LRRC52: variants seen among roughly 807,000 people sequenced by gnomAD.
LRRC52 encodes the protein leucine-rich repeat-containing protein 52.
LRRC52 carries 15 observed loss-of-function variants against 14.7 expected under a neutral mutation model. The observed-to-expected ratio is 1.02, with a 90% confidence interval of 0.68 to 1.58. The LOEUF is 1.58. Among genes scored for constraint, LRRC52 ranks in the 40% most tolerant of loss-of-function variants. The pLI, the probability that LRRC52 is intolerant of heterozygous loss-of-function variation, is 0.00. For missense variants in LRRC52, 400 were observed against 387.7 expected (o/e 1.03, Z -0.27); for synonymous variants, 180 against 163.9 (o/e 1.10, Z -0.75).
intron 1 of LRRC52, among the ~76,000 whole-genome samples, chr1:165,556,387 AG>A (rs34104986): frequency 6.6e-5 from 10 of 151,976 alleles, no homozygotes; most frequent in Non-Finnish European, 1.3e-4. Flanking sequence ...TCTATATACA[AG>A]GGGGGGAAAT....
Position 165,544,203 on chromosome 1 carries a change from G to GCCCCGCCCCCCCCCCCC in LRRC52, c.-90_-89insGCCCCCCCCCCCCCCCC. The GCCCCGCCCCCCCCCCCC allele has an allele frequency of 1.0e-5, 10 of 1,001,758 alleles. No homozygotes were observed. Among genetic ancestry groups the GCCCCGCCCCCCCCCCCC allele is most frequent in the Non-Finnish European group, 1.3e-5 (9 of 706,268 alleles). 62.1% of individuals were successfully genotyped at this position (1,001,758 alleles called of 1,614,324 possible). A position where few individuals can be genotyped will look rare whatever the true frequency, so the allele number is the denominator to read the frequency against. ...CTAAAGTGTTACAGTTCTTTCCAGA[G>GCCCCGCCCCCCCCCCCC]CCCCTCCCCCGCCCCACCCCCCCAC... On this transcript the variant is annotated 5_prime_UTR_variant, in exon 1 of 2. Coordinates refer to ENST00000294818, the MANE Select transcript of LRRC52 (RefSeq NM_001005214.4).
chr1:165,561,947 C>A (rs145130541), intron 1 of LRRC52, among the ~76,000 whole-genome samples: 3 of 152,326 alleles, frequency 2.0e-5, no homozygotes, highest in Middle Eastern at 3.4e-3. Context: ...CTGCTTCCAG[C>A]CCCCATTAGG....
intron 1 of LRRC52, among the ~76,000 whole-genome samples, chr1:165,554,322 T>G (rs1009058919): frequency 2.0e-5 from 3 of 150,860 alleles, no homozygotes; most frequent in Non-Finnish European, 2.9e-5. Context: ...AGGCAAGGAG[T>G]TCAACTTGGG....
intron 1 of LRRC52, among the ~76,000 whole-genome samples, chr1:165,560,504 T>C (rs1661318770): frequency 6.6e-6 from 1 of 152,296 alleles, no homozygotes; most frequent in South Asian, 2.1e-4. Context: ...AGGATGCACA[T>C]TGTAAATAAC....
Position 165,563,836 on chromosome 1 carries a change from C to G in LRRC52, c.*12C>G. ...CTCAGCTTATTTAGTTGCCAGAGAC[C>G]ACTATCTTATGTGCCTCCCCCAGGC... On this transcript the variant is annotated 3_prime_UTR_variant, in exon 2 of 2. Coordinates refer to ENST00000294818, the MANE Select transcript of LRRC52 (RefSeq NM_001005214.4). 1 of 1,610,680 alleles carries G rather than the reference C, an allele frequency of 6.2e-7. No individual in the cohort carries two copies. The highest frequency in any genetic ancestry group is 8.5e-7 in the Non-Finnish European group (1 of 1,177,994).
At chr1:165,550,352 TAAA>T (rs1661107078) in intron 1 of LRRC52, among the ~76,000 whole-genome samples, 1 of 152,138 alleles carries the variant, frequency 6.6e-6, no homozygotes, top group East Asian at 1.9e-4. Flanking sequence ...TGCAACAGGG[TAAA>T]TAGTCTATAT....
intron 1 of LRRC52, among the ~76,000 whole-genome samples, chr1:165,562,409 A>T (rs138535256): frequency 2.0e-5 from 3 of 152,204 alleles, no homozygotes; most frequent in Non-Finnish European, 4.4e-5. Context: ...CACATCACAC[A>T]AGCACTCAGC....
chr1:165,551,651 G>A (rs1030122482), intron 1 of LRRC52, among the ~76,000 whole-genome samples: 5 of 152,170 alleles, frequency 3.3e-5, no homozygotes, highest in Non-Finnish European at 5.9e-5. Flanking sequence ...GCTTGAGCAA[G>A]GGTGCTGCAG....
intron 1 of LRRC52, among the ~76,000 whole-genome samples, chr1:165,552,621 C>T (rs1009853975): frequency 6.6e-6 from 1 of 152,144 alleles, no homozygotes; most frequent in Non-Finnish European, 1.5e-5. Flanking sequence ...ATTTAGAAGG[C>T]AGAAGCAACA....
intron 1 of LRRC52, among the ~76,000 whole-genome samples, chr1:165,546,848 A>C (rs779354260): frequency 1.3e-5 from 2 of 152,160 alleles, no homozygotes; most frequent in Non-Finnish European, 2.9e-5. Flanking sequence ...TGGGATTATA[A>C]AGTAGATCTT....
In LRRC52 at chr1:165,544,708, C is replaced by A. The variant is rs373088117; in HGVS notation, c.412C>A (p.Leu138Met). 1 of 1,614,106 alleles carries A rather than the reference C, an allele frequency of 6.2e-7. No homozygotes were observed. The highest frequency in any genetic ancestry group is 1.1e-5 in the South Asian group (1 of 91,058). The change falls in exon 1 of 2, where the codon CTG becomes ATG. Residue 138 changes from leucine to methionine, a missense_variant. Leu to Met is a conservative substitution (Grantham distance 15). Coordinates refer to ENST00000294818, the MANE Select transcript of LRRC52 (RefSeq NM_001005214.4). ...GCTGAACATTGCCAACAACCCTCAC[C>A]TGTTATCGCTTCACAAGTTCACCTT... Reference protein sequence around the residue: ...VQLNIANNPHLLSLHKFTFAN... With the variant: ...VQLNIANNPHMLSLHKFTFAN...
chr1:165,547,167 A>G (rs1661040401), intron 1 of LRRC52, among the ~76,000 whole-genome samples: 1 of 152,110 alleles, frequency 6.6e-6, no homozygotes, highest in Non-Finnish European at 1.5e-5. Context: ...CCTGCCCAAA[A>G]TCACACAGCT....
intron 1 of LRRC52, among the ~76,000 whole-genome samples, chr1:165,551,765 C>T (rs781502074): frequency 6.6e-6 from 1 of 152,050 alleles, no homozygotes; most frequent in Non-Finnish European, 1.5e-5. Flanking sequence ...GAGCAGAGAA[C>T]ATCTTAGTTT....
intron 1 of LRRC52, among the ~76,000 whole-genome samples, chr1:165,562,984 C>T (rs1298001697): frequency 6.6e-6 from 1 of 152,012 alleles, no homozygotes; most frequent in Non-Finnish European, 1.5e-5. Flanking sequence ...TTGCAATGCT[C>T]TCGGGGGATG....
At chr1:165,548,741 A>G (rs1001875134) in intron 1 of LRRC52, among the ~76,000 whole-genome samples, 1 of 152,230 alleles carries the variant, frequency 6.6e-6, no homozygotes, top group Non-Finnish European at 1.5e-5. Flanking sequence ...CAACATTCCT[A>G]GGGCTGTCAT....
chr1:165,552,078 G>A lies in LRRC52; in HGVS notation c.622+7160G>A, dbSNP rs569155411. Among the ~76,000 whole-genome samples the A allele has an allele frequency of 7.2e-5, 11 of 152,106 alleles. No individual in the cohort carries two copies. The South Asian group carries it at 2.3e-3, about 32-fold the overall frequency. Reference sequence around the variant, plus strand: ...CTCCTGAGGGCAAGGAGGGGGCTGAGAGGGGTGCAACTGAGTCAGTGATCC... The same window carrying A: ...CTCCTGAGGGCAAGGAGGGGGCTGAAAGGGGTGCAACTGAGTCAGTGATCC... On this transcript the variant is annotated intron_variant, in intron 1 of 1. Coordinates refer to ENST00000294818, the MANE Select transcript of LRRC52 (RefSeq NM_001005214.4).
Position 165,544,594 on chromosome 1 carries a change from G to A in LRRC52, c.298G>A (p.Val100Ile), listed in dbSNP as rs753065284. The A allele has an allele frequency of 5.0e-6, 8 of 1,613,864 alleles. No homozygotes were observed. Among genetic ancestry groups the A allele is most frequent in the Non-Finnish European group, 5.9e-6 (7 of 1,180,000 alleles). Residue 100 changes from valine to isoleucine, a missense_variant, in exon 1 of 2, where the codon GTC becomes ATC. Transcript: ENST00000294818. Reference protein sequence around the residue: ...REVMDYTFIGVFKLIYLDLSS... With the variant: ...REVMDYTFIGIFKLIYLDLSS... ...GGTGATGGATTATACCTTCATCGGG[G>A]TCTTCAAACTCATCTACCTTGACCT...
chr1:165,553,630 G>A (rs1398513273), intron 1 of LRRC52, among the ~76,000 whole-genome samples: 1 of 152,092 alleles, frequency 6.6e-6, no homozygotes, highest in Non-Finnish European at 1.5e-5. Flanking sequence ...AAGAAAGAGG[G>A]GAAGTCATTG....
chr1:165,556,543 G>A (rs1661238104), intron 1 of LRRC52, among the ~76,000 whole-genome samples: 1 of 152,180 alleles, frequency 6.6e-6, no homozygotes, highest in African/African-American at 2.4e-5. Context: ...GGCTTTGTGG[G>A]TCTTCATTGC....
Sources: gnomAD v4.1 joint callset for allele counts (sites outside exome capture counted in the v4.1 genomes callset) on GRCh38, gnomAD v4.1.1 for gene constraint, MANE v1.5 for transcripts, NCBI Gene and HGNC (gene_info 2026-07-23, HGNC 2026-07-21) for gene names.